The following MTHFD1L variants were observed in gnomAD, a reference collection of about 807,000 sequenced individuals.
MTHFD1L encodes methylenetetrahydrofolate dehydrogenase (NADP+ dependent) 1 like.
MTHFD1L carries 81 observed loss-of-function variants against 119.5 expected under a neutral mutation model. The observed-to-expected ratio is 0.68, with a 90% CI of 0.57 to 0.82. The LOEUF (loss-of-function observed/expected upper bound fraction) is 0.82. Ranked by LOEUF, MTHFD1L falls within the 40% of genes least tolerant of loss-of-function variation. MTHFD1L has a pLI of 0.00. For synonymous variants in MTHFD1L, 430 were observed against 475.2 expected (o/e 0.90, Z 1.24); for missense variants, 1,125 against 1,253.4 (o/e 0.90, Z 1.55).
chr6:151,036,536 C>T (rs904634405), intron 25 of MTHFD1L, among the ~76,000 whole-genome samples: 1 of 152,110 alleles, frequency 6.6e-6, no homozygotes. Context: ...ACAAAGGAAC[C>T]CTTTGCTTCC....
chr6:151,086,307 C>T (rs978853589), intron 26 of MTHFD1L, among the ~76,000 whole-genome samples: 1 of 152,114 alleles, frequency 6.6e-6, no homozygotes, highest in Non-Finnish European at 1.5e-5. Context: ...TCTCTCCTTT[C>T]CCCTCGGTCA....
At chr6:151,101,451 A>G (rs1795363101) in intron 27 of MTHFD1L, 75 bp from the exon 28 acceptor site, 1 of 152,484 alleles carries the variant, frequency 6.6e-6, no homozygotes, top group African/African-American at 2.4e-5. Context: ...GAGCTATAAC[A>G]TGTTAACGGT....
At chr6:150,999,175 T>C (rs1780259395) in intron 20 of MTHFD1L, among the ~76,000 whole-genome samples, 1 of 152,140 alleles carries the variant, frequency 6.6e-6, no homozygotes, top group African/African-American at 2.4e-5. Context: ...TGCCAACCAT[T>C]TTTGCATAAT....
intron 16 of MTHFD1L, among the ~76,000 whole-genome samples, chr6:150,953,379 C>A (rs936892370): frequency 1.3e-5 from 2 of 152,190 alleles, no homozygotes; most frequent in African/African-American, 4.8e-5. Context: ...GCTGCCTCCA[C>A]CCCCACACCC....
intron 2 of MTHFD1L, 87 bp downstream of exon 2, chr6:150,876,261 C>T: frequency 1.8e-6 from 2 of 1,128,714 alleles, no homozygotes; most frequent in South Asian, 1.9e-5. Flanking sequence ...AGCTGCATTT[C>T]TTGCCAAAGA....
intron 26 of MTHFD1L, among the ~76,000 whole-genome samples, chr6:151,067,042 G>A (rs1279396343): frequency 6.7e-6 from 1 of 149,352 alleles, no homozygotes; most frequent in African/African-American, 2.5e-5. Flanking sequence ...AGCCCAGGCT[G>A]GAGTGCAGTG....
rs111512689 is a variant in MTHFD1L at position 150,926,468 on chromosome 6, A to G, written c.1256+173A>G. 9.8e-5 allele frequency among the ~76,000 whole-genome samples: 15 copies of G among 152,310 alleles called. 1 individual carries two copies. The highest frequency in any genetic ancestry group is 3.6e-4 in the African/African-American group (15 of 41,572). The stretch of plus-strand genomic sequence containing the variant: ...AGATAAGTTTTTATTTTCAGTGCAG[A>G]GCAAACTAGTCGACTCTACACAAGA... On this transcript the variant is annotated intron_variant, in intron 11 of 27. Transcript: ENST00000367321. This position sits in a 1 kb window ranked among gnomAD's most constrained non-coding sequence, Gnocchi z 4.3.
intron 26 of MTHFD1L, among the ~76,000 whole-genome samples, chr6:151,076,978 A>G (rs969650584): frequency 6.6e-6 from 1 of 152,246 alleles, no homozygotes; most frequent in Non-Finnish European, 1.5e-5. Context: ...AAAGTTTTAA[A>G]TAATACAATT....
Position 150,882,769 on chromosome 6 carries a change from A to T in MTHFD1L, c.425A>T (p.Asp142Val). The T allele has an allele frequency of 6.7e-7, 1 of 1,501,962 alleles. No homozygotes were observed. 93.0% of individuals were successfully genotyped at this position (1,501,962 alleles called of 1,614,324 possible). A position where few individuals can be genotyped will look rare whatever the true frequency, so the allele number is the denominator to read the frequency against. ...TTTTTGTTTTCTCTTTAGATTATAG[A>T]TGAAATCTTAAAGATCAATGAAGAT... ...PPDSSEAEII[D>V]EILKINEDTR... Residue 142 changes from aspartate (D) to valine (V), a missense_variant, in exon 5 of 28, where the codon GAT (aspartate) becomes GTT (valine). Physicochemically the swap from Asp to Val is radical, Grantham distance 152 (BLOSUM62 -3). Around this residue, in one of 3 missense-constraint regions of MTHFD1L, gnomAD observed 1,058 missense variants for 1,151.2 expected, o/e 0.92. Coordinates refer to ENST00000367321, the MANE Select transcript of MTHFD1L (RefSeq NM_015440.5).
chr6:150,901,392 C>T (rs1282666626), intron 7 of MTHFD1L, among the ~76,000 whole-genome samples: 1 of 152,190 alleles, frequency 6.6e-6, no homozygotes, highest in Non-Finnish European at 1.5e-5. Flanking sequence ...AGGAGGATCG[C>T]TTAAGCCCAG....
At chr6:150,883,025 G>A in intron 5 of MTHFD1L, 139 bp downstream of exon 5, 1 of 916,658 alleles carries the variant, frequency 1.1e-6, no homozygotes, top group Non-Finnish European at 1.5e-6. Flanking sequence ...AAATATTTCA[G>A]GAGTCTATAG....
At chr6:151,068,918 T>C (rs551400981) in intron 26 of MTHFD1L, among the ~76,000 whole-genome samples, 5 of 152,218 alleles carry the variant, frequency 3.3e-5, no homozygotes, top group African/African-American at 4.8e-5. Context: ...GCTCAATTTC[T>C]TGGAAGCATT....
Position 151,013,946 on chromosome 6 carries a change from C to T in MTHFD1L, c.2307+126C>T. ...GTGCTGTTCTGTCCGGGCGCAGTGA[C>T]TCACACCTGTAATTTCAGCACTTTG... On this transcript the variant is annotated intron_variant, in intron 22 of 27. Transcript: ENST00000367321. 3.9e-6 allele frequency: 3 copies of T among 772,002 alleles called. No individual in the cohort carries two copies. In the Admixed American group the frequency reaches 8.4e-5, roughly 22 times the overall value. The allele number at this position is 772,002 out of a possible 1,614,324, so 47.8% of individuals were successfully genotyped here.
chr6:150,978,316 G>A (rs1035223515), intron 20 of MTHFD1L, among the ~76,000 whole-genome samples: 7 of 152,078 alleles, frequency 4.6e-5, no homozygotes, highest in South Asian at 2.1e-4. Flanking sequence ...TACTTTTGAC[G>A]GTAGCTTTCG....
At chr6:151,036,261 T>G (rs1786148922) in intron 25 of MTHFD1L, among the ~76,000 whole-genome samples, 1 of 152,138 alleles carries the variant, frequency 6.6e-6, no homozygotes, top group African/African-American at 2.4e-5. Flanking sequence ...TATTTTTATT[T>G]TTTTTTTAAA....
At chr6:151,048,433 G>A (rs1788449899) in intron 26 of MTHFD1L, among the ~76,000 whole-genome samples, 1 of 152,012 alleles carries the variant, frequency 6.6e-6, no homozygotes, top group African/African-American at 2.4e-5. Flanking sequence ...CAGTTCTCTT[G>A]GCCTTCCCAC....
intron 26 of MTHFD1L, among the ~76,000 whole-genome samples, chr6:151,050,023 G>T (rs953060771): frequency 6.6e-6 from 1 of 152,160 alleles, no homozygotes; most frequent in African/African-American, 2.4e-5. Flanking sequence ...AGAGGACAGG[G>T]TTCAAGGGGA....
At chr6:151,026,904 C>G (rs1784681475) in intron 24 of MTHFD1L, among the ~76,000 whole-genome samples, 2 of 138,592 alleles carry the variant, frequency 1.4e-5, no homozygotes, top group Non-Finnish European at 3.1e-5. Flanking sequence ...TCTCAGCTCA[C>G]TGCAGTCTCC....
At chr6:151,051,847 G>T (rs933718106) in intron 26 of MTHFD1L, among the ~76,000 whole-genome samples, 1 of 152,210 alleles carries the variant, frequency 6.6e-6, no homozygotes, top group Non-Finnish European at 1.5e-5. Context: ...TGAAACTGGG[G>T]CATTTGAGAC....
Sources: gnomAD v4.1 joint callset for allele counts (sites outside exome capture counted in the v4.1 genomes callset) on GRCh38, gnomAD v4.1.1 for gene constraint, gnomAD v4.1.1 regional missense constraint, Gnocchi (gnomAD v3.1) non-coding constraint, MANE v1.5 for transcripts, NCBI Gene and HGNC (gene_info 2026-07-23, HGNC 2026-07-21) for gene names.